DLG1: variants seen among roughly 807,000 people sequenced by gnomAD.
DLG1 encodes the protein discs large MAGUK scaffold protein 1.
A neutral mutation model predicts 123.4 loss-of-function variants in DLG1; 42 were observed. The ratio of observed to expected loss-of-function variants is 0.34; its 90% CI spans 0.27 to 0.44. The LOEUF (loss-of-function observed/expected upper bound fraction) is 0.44. Among genes scored for constraint, DLG1 ranks in the 20% least tolerant of loss-of-function variants. The pLI is 1.00. For synonymous variants in DLG1, 317 were observed against 356.2 expected (o/e 0.89, Z 1.24); for missense variants, 942 against 1,082.6 (o/e 0.87, Z 1.82).
At chr3:197,146,585 T>C (rs141666654) in intron 6 of DLG1, among the ~76,000 whole-genome samples, 55 of 152,288 alleles carry the variant, frequency 3.6e-4, no homozygotes, top group African/African-American at 1.1e-3. Flanking sequence ...GCTGGGATAA[T>C]TGGCTAGCCA....
chr3:197,268,201 T>A (rs1039607442), intron 4 of DLG1, among the ~76,000 whole-genome samples: 2 of 152,222 alleles, frequency 1.3e-5, no homozygotes, highest in African/African-American at 2.4e-5. Flanking sequence ...ATCAAGATTA[T>A]TTAAATGATG....
chr3:197,090,151 G>A (rs76311548), intron 15 of DLG1, among the ~76,000 whole-genome samples: 1 of 151,974 alleles, frequency 6.6e-6, no homozygotes, highest in Non-Finnish European at 1.5e-5. Flanking sequence ...GAATCAGGAC[G>A]ACTGAGATGA....
chr3:197,130,737 C>T, intron 10 of DLG1, 66 bp from the exon 11 acceptor site: 2 of 1,327,466 alleles, frequency 1.5e-6, no homozygotes, highest in Non-Finnish European at 2.0e-6. Context: ...GAAACAATTT[C>T]ACGAAAAGAA....
rs111841417 is a variant in DLG1 at position 197,224,862 on chromosome 3, C to T, written c.319-30273G>A. Among the ~76,000 whole-genome samples the T allele has an allele frequency of 8.1e-3, 1,235 of 152,264 alleles. 13 individuals carry two copies. The highest frequency in any genetic ancestry group is 0.027 in the African/African-American group (1,124 of 41,540). ...CAAAAACTAAAAAGAAAAAAAAGTTCGATTCAAAACAATACCTCAAAATAA... is the reference window on the plus strand; with the variant it reads ...CAAAAACTAAAAAGAAAAAAAAGTTTGATTCAAAACAATACCTCAAAATAA... On this transcript the variant is annotated intron_variant, in intron 4 of 24. Coordinates refer to ENST00000667157, the MANE Select transcript of DLG1 (RefSeq NM_001366207.1).
At chr3:197,096,359 A>G (rs1289635246) in intron 14 of DLG1, among the ~76,000 whole-genome samples, 1 of 152,112 alleles carries the variant, frequency 6.6e-6, no homozygotes, top group Non-Finnish European at 1.5e-5. Flanking sequence ...ACAGCCATCC[A>G]CTTCCCTGAC....
chr3:197,286,907 A>G (rs1772130034), intron 3 of DLG1, among the ~76,000 whole-genome samples: 2 of 149,258 alleles, frequency 1.3e-5, no homozygotes, highest in South Asian at 4.2e-4. Flanking sequence ...TTTTTTTTTT[A>G]AAGAGACAGA....
chr3:197,127,446 A>C (rs1199229640), intron 11 of DLG1, among the ~76,000 whole-genome samples: 1 of 29,474 alleles, frequency 3.4e-5, no homozygotes, highest in East Asian at 1.9e-3. Context: ...AAAAAAAAAA[A>C]AAAAAAAAAA....
At chr3:197,281,270 C>T (rs1042342844) in intron 4 of DLG1, among the ~76,000 whole-genome samples, 1 of 152,108 alleles carries the variant, frequency 6.6e-6, no homozygotes, top group East Asian at 1.9e-4. Flanking sequence ...AACTCCTGAC[C>T]TCAAGCAATC....
chr3:197,256,449 C>A (rs971622897), intron 4 of DLG1, among the ~76,000 whole-genome samples: 1 of 152,230 alleles, frequency 6.6e-6, no homozygotes, highest in Admixed American at 6.5e-5. Flanking sequence ...AGGCACTCAG[C>A]GAAGCTAAAA....
chr3:197,160,980 G>A (rs1266752056), intron 5 of DLG1, among the ~76,000 whole-genome samples: 1 of 152,140 alleles, frequency 6.6e-6, no homozygotes, highest in Non-Finnish European at 1.5e-5. Context: ...GGCAGTTAAT[G>A]TCTCAAGCCA....
chr3:197,240,929 A>C (rs1000094014), intron 4 of DLG1, among the ~76,000 whole-genome samples: 41 of 9,330 alleles, frequency 4.4e-3, no homozygotes, highest in African/African-American at 0.019. Context: ...CTCAAAAAAA[A>C]AATGTAAGAA....
chr3:197,212,021 A>G (rs576763778), intron 4 of DLG1, among the ~76,000 whole-genome samples: 1 of 146,622 alleles, frequency 6.8e-6, no homozygotes, highest in African/African-American at 2.4e-5. Context: ...GTTCTCACTT[A>G]TAAGTGGGAA....
At chr3:197,265,852 C>A (rs1165675632) in intron 4 of DLG1, among the ~76,000 whole-genome samples, 1 of 152,134 alleles carries the variant, frequency 6.6e-6, no homozygotes, top group African/African-American at 2.4e-5. Context: ...GAACTCAAGA[C>A]CAGCCTGACC....
At position 197,282,908 on chromosome 3, in the gene DLG1, A is replaced by G. The variant is rs946660000; in HGVS notation, c.152-63T>C. The G allele has an allele frequency of 9.0e-5, 89 of 988,122 alleles. No homozygotes were observed. The Admixed American group carries it at 1.5e-3, about 17-fold the overall frequency. 61.2% of individuals were successfully genotyped at this position (988,122 alleles called of 1,614,324 possible). A position where few individuals can be genotyped will look rare whatever the true frequency, so the allele number is the denominator to read the frequency against. ...TTTTCTAACTAAATTATGCAATGCTATAACAACATAACTCAAAAGCACAAT... is the reference window on the plus strand; with the variant it reads ...TTTTCTAACTAAATTATGCAATGCTGTAACAACATAACTCAAAAGCACAAT... On this transcript the variant is annotated intron_variant, in intron 3 of 24. Transcript: ENST00000667157.
chr3:197,049,067 C>T lies in DLG1; in HGVS notation c.2575+2510G>A, dbSNP rs193078698. On this transcript the variant is annotated intron_variant, in intron 24 of 24. Transcript: ENST00000667157. Reference sequence around the variant, plus strand: ...GGCGTGGTGGCTCACACCTGTAATTCCAGCACTCTGGGAGGCTGAAGCAGG... The same window carrying T: ...GGCGTGGTGGCTCACACCTGTAATTTCAGCACTCTGGGAGGCTGAAGCAGG... 5.9e-3 allele frequency among the ~76,000 whole-genome samples: 891 copies of T among 152,270 alleles called. 5 individuals are homozygous for T. Among genetic ancestry groups the T allele is most frequent in the Non-Finnish European group, 0.01 (712 of 68,022 alleles).
chr3:197,082,826 T>C (rs1347223194), intron 16 of DLG1, among the ~76,000 whole-genome samples: 1 of 152,196 alleles, frequency 6.6e-6, no homozygotes, highest in Admixed American at 6.5e-5. Context: ...TCTTACATTA[T>C]TGCTTGCTTT....
intron 5 of DLG1, among the ~76,000 whole-genome samples, chr3:197,159,926 C>T (rs868579347): frequency 6.6e-6 from 1 of 152,056 alleles, no homozygotes; most frequent in Non-Finnish European, 1.5e-5. Flanking sequence ...TATGAGATAA[C>T]ACTAAAAATA....
Position 197,075,317 on chromosome 3 carries a change from C to CAA in DLG1, c.2005+1267_2005+1268dup, listed in dbSNP as rs58384491. On this transcript the variant is annotated intron_variant, in intron 18 of 24. Transcript: ENST00000667157. ...CTCTTGTGGTAACTTATAACTTTCT[C>CAA]AAAAAAAAAAAAAAAAAAAAAAAAG... is the stretch of plus-strand genomic sequence containing the variant. Among the ~76,000 whole-genome samples, 290 of 90,168 alleles carry CAA rather than the reference C, an allele frequency of 3.2e-3. 3 individuals carry two copies. The highest frequency in any genetic ancestry group is 5.0e-3 in the Admixed American group (40 of 7,972). 59.2% of individuals were successfully genotyped at this position (90,168 alleles called of 152,430 possible).
intron 4 of DLG1, among the ~76,000 whole-genome samples, chr3:197,245,028 T>C (rs1304949917): frequency 6.6e-6 from 1 of 152,202 alleles, no homozygotes; most frequent in East Asian, 1.9e-4. Flanking sequence ...TGAGGGACAG[T>C]TCGGACCTTT....
Sources: gnomAD v4.1 joint callset for allele counts (sites outside exome capture counted in the v4.1 genomes callset) on GRCh38, gnomAD v4.1.1 for gene constraint, MANE v1.5 for transcripts, NCBI Gene and HGNC (gene_info 2026-07-23, HGNC 2026-07-21) for gene names.